Variants in GABRB1 observed in about 807,000 individuals in gnomAD.
GABRB1 encodes gamma-aminobutyric acid type A receptor subunit beta1, also known as gamma-aminobutyric acid receptor subunit beta-1.
A neutral mutation model predicts 51.6 loss-of-function variants in GABRB1; 17 were observed. The observed-to-expected ratio is 0.33, with a 90% CI of 0.23 to 0.49. The LOEUF (loss-of-function observed/expected upper bound fraction) is 0.49. Among genes scored for constraint, GABRB1 ranks in the 20% least tolerant of loss-of-function variants. The pLI, the probability that GABRB1 is intolerant of heterozygous loss-of-function variation, is 0.99. For synonymous variants in GABRB1, 247 were observed against 218.9 expected (o/e 1.13, Z -1.14); for missense variants, 410 against 600.6 (o/e 0.68, Z 3.32).
chr4:47,130,325 CTGTGTGTG>C (rs67244692), intron 3 of GABRB1, among the ~76,000 whole-genome samples: 21,284 of 133,412 alleles, frequency 0.16, 1,710 homozygotes, highest in East Asian at 0.18. Flanking sequence ...GCTCCAGATA[CTGTGTGTG>C]TGTGTGTGTG....
chr4:47,072,616 T>C (rs1013413982), intron 3 of GABRB1, among the ~76,000 whole-genome samples: 3 of 152,194 alleles, frequency 2.0e-5, no homozygotes, highest in South Asian at 2.1e-4. Context: ...CTAATATCTA[T>C]CTGGAAATTT....
intron 3 of GABRB1, among the ~76,000 whole-genome samples, chr4:47,153,427 T>A (rs1260734734): frequency 6.6e-6 from 1 of 152,068 alleles, no homozygotes; most frequent in African/African-American, 2.4e-5. Context: ...CTGTGTGAAA[T>A]GTAAATTTTA....
intron 4 of GABRB1, among the ~76,000 whole-genome samples, chr4:47,312,527 AG>A (rs1724730590): frequency 2.6e-5 from 4 of 152,224 alleles, no homozygotes; most frequent in Admixed American, 2.6e-4. Context: ...TGTATCCAAG[AG>A]GCTAAACAAG....
intron 4 of GABRB1, among the ~76,000 whole-genome samples, chr4:47,200,063 G>A (rs1267019340): frequency 1.3e-5 from 2 of 152,156 alleles, no homozygotes; most frequent in Non-Finnish European, 2.9e-5. Context: ...AGCTGTCAAT[G>A]TATATAAAGG....
chr4:47,373,192 C>T lies in GABRB1; in HGVS notation c.545-30126C>T, dbSNP rs183108856. On this transcript the variant is annotated intron_variant, in intron 5 of 8. Coordinates refer to ENST00000295454, the MANE Select transcript of GABRB1 (RefSeq NM_000812.4). ...ACCACAACATTTTCCATTTTGACAA[C>T]CTATACCCTGACTATTTTCTCTATT... 1.4e-3 allele frequency among the ~76,000 whole-genome samples: 211 copies of T among 152,300 alleles called. 2 individuals carry two copies. The Middle Eastern group carries it at 0.027, about 20-fold the overall frequency.
At chr4:47,400,607 G>T (rs113067732) in intron 5 of GABRB1, among the ~76,000 whole-genome samples, 17 of 150,958 alleles carry the variant, frequency 1.1e-4, no homozygotes, top group African/African-American at 4.2e-4. Context: ...AGCTTTAGGG[G>T]TTTTTACTTA....
At chr4:47,312,681 C>G (rs1396843863) in intron 4 of GABRB1, among the ~76,000 whole-genome samples, 2 of 152,118 alleles carry the variant, frequency 1.3e-5, no homozygotes, top group Admixed American at 1.3e-4. Flanking sequence ...CATACAGATT[C>G]TATTAAACTG....
chr4:47,078,099 C>T (rs377302658), intron 3 of GABRB1, among the ~76,000 whole-genome samples: 1 of 149,730 alleles, frequency 6.7e-6, no homozygotes, highest in African/African-American at 2.5e-5. Context: ...AAGCAATTCT[C>T]CTGCCTCAGC....
At chr4:47,308,962 T>A (rs1724569887) in intron 4 of GABRB1, among the ~76,000 whole-genome samples, 1 of 152,138 alleles carries the variant, frequency 6.6e-6, no homozygotes, top group African/African-American at 2.4e-5. Context: ...ACTACAGAAA[T>A]TCCTAATAAT....
intron 4 of GABRB1, among the ~76,000 whole-genome samples, chr4:47,309,609 A>G (rs1425633867): frequency 6.6e-6 from 1 of 152,278 alleles, no homozygotes; most frequent in South Asian, 2.1e-4. Context: ...ATTGTTAAGT[A>G]AGTCACAGGG....
intron 5 of GABRB1, among the ~76,000 whole-genome samples, chr4:47,354,919 G>T (rs368091035): frequency 8.4e-5 from 4 of 47,402 alleles, no homozygotes; most frequent in African/African-American, 3.0e-4. Flanking sequence ...CTGCCTGCCT[G>T]CCTGCCTGCC....
intron 2 of GABRB1, among the ~76,000 whole-genome samples, 157 bp downstream of exon 2, chr4:47,032,162 C>CACACA (rs1725343791): frequency 1.0e-5 from 1 of 96,808 alleles, no homozygotes; most frequent in Non-Finnish European, 2.2e-5. Flanking sequence ...ACACACACAC[C>CACACA]CCGGGTCCCC....
intron 3 of GABRB1, among the ~76,000 whole-genome samples, chr4:47,160,361 C>T (rs932062707): frequency 3.3e-5 from 5 of 152,136 alleles, no homozygotes; most frequent in African/African-American, 9.7e-5. Flanking sequence ...TAAACATCTC[C>T]ATTTGTATGT....
intron 5 of GABRB1, among the ~76,000 whole-genome samples, chr4:47,335,552 G>C (rs1175480371): frequency 6.6e-6 from 1 of 151,958 alleles, no homozygotes; most frequent in Non-Finnish European, 1.5e-5. Flanking sequence ...ACAGCTTCTT[G>C]ACCAGTATGT....
At chr4:47,213,251 C>G (rs1720433371) in intron 4 of GABRB1, among the ~76,000 whole-genome samples, 1 of 152,024 alleles carries the variant, frequency 6.6e-6, no homozygotes. Flanking sequence ...TTATTTAGCT[C>G]TAGGAAGCCA....
rs1577872524 is a variant in GABRB1, at chr4:47,062,856, A to G, written c.240+30372A>G. Among the ~76,000 whole-genome samples, 3 of 152,180 alleles carry G rather than the reference A, an allele frequency of 2.0e-5. No homozygotes were observed. In the Middle Eastern group the frequency reaches 0.01, roughly 518 times the overall value. On this transcript the variant is annotated intron_variant, in intron 3 of 8. Transcript: ENST00000295454. ...AATTGTGTCAGACATACCTTCAAAT[A>G]TATCCCAAATTCGATTACATTCAAA...
intron 4 of GABRB1, among the ~76,000 whole-genome samples, chr4:47,256,749 C>T (rs1722217318): frequency 6.6e-6 from 1 of 152,150 alleles, no homozygotes; most frequent in Admixed American, 6.5e-5. Flanking sequence ...AACTCACTCA[C>T]TGTCAGAAGA....
intron 3 of GABRB1, among the ~76,000 whole-genome samples, chr4:47,063,358 A>G (rs1726925145): frequency 6.6e-6 from 1 of 152,252 alleles, no homozygotes; most frequent in African/African-American, 2.4e-5. Flanking sequence ...TTATAAATTT[A>G]AATAAGCTGA....
intron 5 of GABRB1, among the ~76,000 whole-genome samples, chr4:47,367,053 A>T (rs1019366566): frequency 5.3e-5 from 8 of 152,266 alleles, no homozygotes; most frequent in African/African-American, 1.9e-4. Flanking sequence ...CACCATATGC[A>T]TTCTGACTTC....
Sources: gnomAD v4.1 joint callset for allele counts (sites outside exome capture counted in the v4.1 genomes callset) on GRCh38, gnomAD v4.1.1 for gene constraint, MANE v1.5 for transcripts, NCBI Gene and HGNC (gene_info 2026-07-23, HGNC 2026-07-21) for gene names.